The following HMBOX1 variants were observed in gnomAD, a reference collection of about 807,000 sequenced individuals.
HMBOX1 encodes the protein homeobox-containing protein 1.
A neutral mutation model predicts 54.5 loss-of-function variants in HMBOX1; 14 were observed. That is an observed-to-expected ratio of 0.26 (90% CI 0.17 to 0.40). The LOEUF (loss-of-function observed/expected upper bound fraction) is 0.40. Ranked by LOEUF, HMBOX1 falls within the 10% of genes least tolerant of loss-of-function variation. The pLI, the probability that HMBOX1 is intolerant of heterozygous loss-of-function variation, is 1.00. For missense variants in HMBOX1, 332 were observed against 514.4 expected, an observed-to-expected ratio of 0.65 and a Z score of 3.43; for synonymous variants, 160 against 181.0, an observed-to-expected ratio of 0.88 and a Z score of 0.93.
rs376300184 is a variant in HMBOX1 at position 29,051,159 on chromosome 8, G to A, written c.*4G>A. On this transcript the variant is annotated 3_prime_UTR_variant, in exon 10 of 10. Transcript: ENST00000287701. ...AGAGGCCCTGGATGATGACTGATCA[G>A]GGAGGTTAAACATGACAAGTTAACT... 4.2e-5 allele frequency: 67 copies of A among 1,613,374 alleles called. No homozygotes were observed. The highest frequency in any genetic ancestry group is 1.6e-4 in the Middle Eastern group (1 of 6,078).
chr8:28,970,205 A>G lies in HMBOX1; in HGVS notation c.186A>G (p.Gly62=), dbSNP rs765638112. The change falls in exon 3 of 10, where the codon GGA becomes GGG. Residue 62 remains glycine (G), a synonymous_variant. Coordinates refer to ENST00000287701, the MANE Select transcript of HMBOX1 (RefSeq NM_001135726.3). The surrounding 1 kb of genome is among the most constrained non-coding windows in gnomAD (Gnocchi z 4.3). ...RLDQEHSDKF[G]RRSSYGGSSY... The stretch of plus-strand genomic sequence containing the variant: ...ATCAAGAGCATAGTGACAAGTTTGG[A>G]AGAAGGTCCAGCTATGGAGGAAGTT... 10 of 1,614,098 alleles carry G rather than the reference A, an allele frequency of 6.2e-6. No individual in the cohort carries two copies. Among genetic ancestry groups the G allele is most frequent in the Admixed American group, 1.7e-5 (1 of 60,010 alleles).
In HMBOX1 at chr8:29,033,832, A is replaced by G. The variant is rs1480568012; in HGVS notation, c.852-11529A>G. 1.7e-4 allele frequency among the ~76,000 whole-genome samples: 26 copies of G among 152,210 alleles called. 1 individual carries two copies. Among genetic ancestry groups the G allele is most frequent in the Admixed American group, 1.7e-3 (26 of 15,280 alleles). The stretch of plus-strand genomic sequence containing the variant: ...TGGTGTTGTATATAATGAGTGACCA[A>G]TTAAGTATATGATTCATCCCAGAGC... On this transcript the variant is annotated intron_variant, in intron 6 of 9. Coordinates refer to ENST00000287701, the MANE Select transcript of HMBOX1 (RefSeq NM_001135726.3).
chr8:29,034,915 A>G (rs1803605676), intron 6 of HMBOX1, among the ~76,000 whole-genome samples: 1 of 152,176 alleles, frequency 6.6e-6, no homozygotes, highest in African/African-American at 2.4e-5. Flanking sequence ...ATATCCTGGT[A>G]GTTTGATTGA....
chr8:29,042,430 C>G (rs1251773162), intron 6 of HMBOX1, among the ~76,000 whole-genome samples: 2 of 152,092 alleles, frequency 1.3e-5, no homozygotes, highest in African/African-American at 2.4e-5. Context: ...AAAGCAAGGT[C>G]ATCTGCAAAA....
At position 29,000,076 on chromosome 8, in the gene HMBOX1, G is replaced by A. The variant is rs73556635; in HGVS notation, c.587-8996G>A. 1.8e-3 allele frequency among the ~76,000 whole-genome samples: 275 copies of A among 152,244 alleles called. 1 individual carries two copies. Among genetic ancestry groups the A allele is most frequent in the African/African-American group, 6.3e-3 (261 of 41,532 alleles). The stretch of plus-strand genomic sequence containing the variant: ...GTGATGTTTGTTTAATGAATTTCCT[G>A]ATTTAACATTATAAAGTTATTATTC... On this transcript the variant is annotated intron_variant, in intron 4 of 9. Transcript: ENST00000287701.
chr8:29,049,189 A>T lies in HMBOX1; in HGVS notation c.1125+141A>T, dbSNP rs185843573. The T allele has an allele frequency of 6.7e-6, 10 of 1,498,062 alleles. No homozygotes were observed. In the Admixed American group the frequency reaches 2.0e-4, roughly 30 times the overall value. 92.8% of individuals were successfully genotyped at this position (1,498,062 alleles called of 1,614,324 possible). On this transcript the variant is annotated intron_variant, in intron 9 of 9. Coordinates refer to ENST00000287701, the MANE Select transcript of HMBOX1 (RefSeq NM_001135726.3). ...CTCCACTCTGCTCCTGTGTCTAGTT[A>T]GATTTCATGTAATTTGAAAGGAATG...
chr8:29,025,168 A>C (rs989730482), intron 6 of HMBOX1, among the ~76,000 whole-genome samples: 3 of 152,230 alleles, frequency 2.0e-5, no homozygotes, highest in South Asian at 2.1e-4. Context: ...GATAGATATC[A>C]GAAAAAAAAT....
intron 1 of HMBOX1, among the ~76,000 whole-genome samples, chr8:28,952,587 A>T (rs1405584609): frequency 6.6e-6 from 1 of 152,126 alleles, no homozygotes; most frequent in East Asian, 1.9e-4. Context: ...GCTGATTTTT[A>T]AAAAGGCTGA....
intron 4 of HMBOX1, among the ~76,000 whole-genome samples, chr8:28,987,005 T>A (rs1421584083): frequency 6.6e-6 from 1 of 152,166 alleles, no homozygotes; most frequent in African/African-American, 2.4e-5. Flanking sequence ...CTACAGTTAT[T>A]GAAATTCCTT....
Position 29,049,056 on chromosome 8 carries a change from C to G in HMBOX1, c.1125+8C>G. The G allele has an allele frequency of 6.2e-7, 1 of 1,612,562 alleles. No homozygotes were observed. Among genetic ancestry groups the G allele is most frequent in the Non-Finnish European group, 8.5e-7 (1 of 1,178,864 alleles). On this transcript the variant is annotated splice_region_variant and intron_variant, in intron 9 of 9. Transcript: ENST00000287701. ...AATGACTACTCTGAGCAGGTGAGCC[C>G]CTGCGCAGCTGGGCGAGGTTCTTGG...
intron 1 of HMBOX1, among the ~76,000 whole-genome samples, chr8:28,911,520 T>C (rs1815425660): frequency 6.6e-6 from 1 of 152,200 alleles, no homozygotes; most frequent in African/African-American, 2.4e-5. Context: ...CATGCCCTGC[T>C]AATTTTTGTA....
At chr8:29,033,993 A>G (rs1003776836) in intron 6 of HMBOX1, among the ~76,000 whole-genome samples, 5 of 152,238 alleles carry the variant, frequency 3.3e-5, no homozygotes, top group African/African-American at 1.2e-4. Flanking sequence ...CTTTGTACCA[A>G]TCATTGTAAT....
chr8:28,944,342 T>C (rs1251311710), intron 1 of HMBOX1, among the ~76,000 whole-genome samples: 6 of 152,248 alleles, frequency 3.9e-5, no homozygotes, highest in Non-Finnish European at 8.8e-5. Flanking sequence ...ACATTTGTTA[T>C]GTTCTCTTCA....
At position 28,935,781 on chromosome 8, in the gene HMBOX1, G is replaced by A. The variant is rs150479971; in HGVS notation, c.-57-28030G>A. 1.7e-3 allele frequency among the ~76,000 whole-genome samples: 264 copies of A among 152,118 alleles called. 1 individual carries two copies. Among genetic ancestry groups the A allele is most frequent in the African/African-American group, 6.2e-3 (256 of 41,526 alleles). On this transcript the variant is annotated intron_variant, in intron 1 of 9. Coordinates refer to ENST00000287701, the MANE Select transcript of HMBOX1 (RefSeq NM_001135726.3). The stretch of plus-strand genomic sequence containing the variant: ...GCACCATAAGATGGGTATAATTCGC[G>A]GCTTTATTTTGCAATGCATTACTCC...
chr8:29,024,343 G>T (rs1440471571), intron 6 of HMBOX1, among the ~76,000 whole-genome samples: 3 of 152,156 alleles, frequency 2.0e-5, no homozygotes, highest in Non-Finnish European at 2.9e-5. Flanking sequence ...TTCTTACTTT[G>T]ATTATTCAGA....
At chr8:28,958,536 T>C (rs1225809929) in intron 1 of HMBOX1, among the ~76,000 whole-genome samples, 1 of 152,232 alleles carries the variant, frequency 6.6e-6, no homozygotes. Context: ...AAAAGCTTCC[T>C]ATGAACAGCT....
chr8:29,047,334 G>T (rs1421234469), intron 7 of HMBOX1, 24 bp from the exon 8 acceptor site: 2 of 1,318,744 alleles, frequency 1.5e-6, no homozygotes, highest in South Asian at 2.4e-5. Flanking sequence ...TAGATTATCT[G>T]AATTTTATTG....
At position 28,970,425 on chromosome 8, in the gene HMBOX1, C is replaced by G; in HGVS notation, c.406C>G (p.Arg136Gly). Residue 136 changes from arginine (R) to glycine (G), a missense_variant, in exon 3 of 10, where the codon CGC (arginine) becomes GGC (glycine). This residue lies in a region of HMBOX1 where 146 missense variants were observed against 173.3 expected (regional missense o/e 0.84). Transcript: ENST00000287701. The surrounding 1 kb of genome is among the most constrained non-coding windows in gnomAD (Gnocchi z 4.3). ...STSNGKMSPT[R>G]YHANSMGQRS... The stretch of plus-strand genomic sequence containing the variant: ...ATCCAATGGAAAGATGTCACCAACT[C>G]GCTACCATGCAAACAGCATGGGTCA... The G allele has an allele frequency of 6.2e-7, 1 of 1,614,118 alleles. No homozygotes were observed. The highest frequency in any genetic ancestry group is 2.2e-5 in the East Asian group (1 of 44,886).
At chr8:28,988,796 T>C (rs997676035) in intron 4 of HMBOX1, among the ~76,000 whole-genome samples, 2 of 152,232 alleles carry the variant, frequency 1.3e-5, no homozygotes, top group Non-Finnish European at 2.9e-5. Context: ...TTATTTATTA[T>C]AAGAGCTTTT....
Sources: allele counts gnomAD v4.1 joint callset (sites outside exome capture counted in the v4.1 genomes callset), GRCh38; gene constraint gnomAD v4.1.1; regional missense constraint gnomAD v4.1.1; non-coding constraint Gnocchi (gnomAD v3.1); transcripts MANE v1.5; gene names NCBI Gene and HGNC (gene_info 2026-07-23, HGNC 2026-07-21).